MARCHF3: variants seen among roughly 807,000 people sequenced by gnomAD.
MARCHF3 encodes the protein E3 ubiquitin-protein ligase MARCHF3.
In MARCHF3, 13 loss-of-function variants were observed where a neutral mutation model predicts 24.2. The observed-to-expected ratio is 0.54, with a 90% confidence interval of 0.35 to 0.85. The LOEUF is 0.85. Ranked by LOEUF, MARCHF3 falls within the 40% of genes least tolerant of loss-of-function variation. The pLI is 0.01. For synonymous variants in MARCHF3, 144 were observed against 137.3 expected, an observed-to-expected ratio of 1.05 and a Z score of -0.34; for missense variants, 276 against 325.0, an observed-to-expected ratio of 0.85 and a Z score of 1.16.
intron 1 of MARCHF3, among the ~76,000 whole-genome samples, chr5:127,012,929 A>G (rs932361959): frequency 6.6e-6 from 1 of 152,232 alleles, no homozygotes; most frequent in Non-Finnish European, 1.5e-5. Context: ...CTCTCATAAG[A>G]ATAACTCATT....
At chr5:126,981,186 A>C (rs903230414) in intron 1 of MARCHF3, among the ~76,000 whole-genome samples, 10 of 152,220 alleles carry the variant, frequency 6.6e-5, no homozygotes, top group Non-Finnish European at 1.2e-4. Context: ...AGCAATAAAC[A>C]ATGAATGACT....
At chr5:126,912,643 A>T (rs1179343509) in intron 3 of MARCHF3, among the ~76,000 whole-genome samples, 1 of 152,298 alleles carries the variant, frequency 6.6e-6, no homozygotes, top group East Asian at 1.9e-4. Flanking sequence ...CTAGGAATAA[A>T]CTGCCCTCTG....
intron 1 of MARCHF3, among the ~76,000 whole-genome samples, chr5:127,027,054 A>ATG (rs1187034582): frequency 4.6e-5 from 7 of 152,224 alleles, no homozygotes; most frequent in African/African-American, 1.4e-4. Context: ...ATGGAGAATT[A>ATG]TGCCAGTCTG....
chr5:126,911,436 C>T (rs1259102088), intron 3 of MARCHF3, among the ~76,000 whole-genome samples: 1 of 152,160 alleles, frequency 6.6e-6, no homozygotes, highest in African/African-American at 2.4e-5. Flanking sequence ...GACTGGCCGA[C>T]ACTTAGGGAA....
chr5:126,950,180 T>G (rs1750176556), intron 1 of MARCHF3, among the ~76,000 whole-genome samples: 1 of 152,174 alleles, frequency 6.6e-6, no homozygotes, highest in Non-Finnish European at 1.5e-5. Flanking sequence ...CTTGTCTAGT[T>G]TCCTGGCAAA....
intron 4 of MARCHF3, 55 bp from the exon 5 acceptor site, chr5:126,870,846 T>C: frequency 6.2e-7 from 1 of 1,602,048 alleles, no homozygotes; most frequent in Non-Finnish European, 8.5e-7. Flanking sequence ...CAGAAGTGGA[T>C]AATCAATACA....
chr5:126,993,473 A>G (rs1191982641), intron 1 of MARCHF3, among the ~76,000 whole-genome samples: 4 of 152,192 alleles, frequency 2.6e-5, no homozygotes, highest in Non-Finnish European at 4.4e-5. Context: ...ATCCTCTAAA[A>G]GATGTACCCA....
chr5:126,879,891 T>C (rs903895134), intron 3 of MARCHF3, among the ~76,000 whole-genome samples: 2 of 152,116 alleles, frequency 1.3e-5, no homozygotes, highest in African/African-American at 2.4e-5. Flanking sequence ...GGACCTAGCA[T>C]TGACTGTCTG....
intron 3 of MARCHF3, among the ~76,000 whole-genome samples, chr5:126,881,320 C>G (rs1753334206): frequency 1.3e-5 from 2 of 152,114 alleles, no homozygotes; most frequent in South Asian, 4.1e-4. Context: ...CCAAATGTTA[C>G]TTATCAATTA....
At chr5:126,948,971 G>A (rs1750126335) in intron 1 of MARCHF3, among the ~76,000 whole-genome samples, 1 of 152,152 alleles carries the variant, frequency 6.6e-6, no homozygotes, top group Admixed American at 6.5e-5. Context: ...ATTTGGGCAT[G>A]TGGAGAGGAG....
chr5:126,984,046 G>C (rs886834776), intron 1 of MARCHF3, among the ~76,000 whole-genome samples: 1 of 151,946 alleles, frequency 6.6e-6, no homozygotes, highest in Non-Finnish European at 1.5e-5. Context: ...ACTGGGGTGG[G>C]GGGATATTAT....
At chr5:127,004,254 A>G (rs1171633195) in intron 1 of MARCHF3, among the ~76,000 whole-genome samples, 2 of 152,166 alleles carry the variant, frequency 1.3e-5, no homozygotes, top group East Asian at 3.8e-4. Context: ...AGGCTGCAAA[A>G]CGGGGCTGTG....
chr5:126,947,490 G>A (rs1042749181), intron 1 of MARCHF3, among the ~76,000 whole-genome samples: 1 of 152,200 alleles, frequency 6.6e-6, no homozygotes, highest in African/African-American at 2.4e-5. Flanking sequence ...TAGTGGATAT[G>A]TGTCATTATA....
chr5:126,912,961 G>A (rs186019776), intron 3 of MARCHF3, among the ~76,000 whole-genome samples: 53 of 152,318 alleles, frequency 3.5e-4, no homozygotes, highest in African/African-American at 1.2e-3. Flanking sequence ...CCTAAATCTT[G>A]TAGAGCACCT....
chr5:126,985,900 T>A (rs1225432277), intron 1 of MARCHF3, among the ~76,000 whole-genome samples: 1 of 152,178 alleles, frequency 6.6e-6, no homozygotes, highest in African/African-American at 2.4e-5. Context: ...CATGCATGAC[T>A]CTATTTGGTC....
At chr5:126,963,038 A>G (rs1303962928) in intron 1 of MARCHF3, among the ~76,000 whole-genome samples, 1 of 152,144 alleles carries the variant, frequency 6.6e-6, no homozygotes, top group African/African-American at 2.4e-5. Context: ...ATACAAAATT[A>G]AGATGATAAC....
At chr5:127,005,560 T>C (rs932554078) in intron 1 of MARCHF3, among the ~76,000 whole-genome samples, 2 of 152,174 alleles carry the variant, frequency 1.3e-5, no homozygotes, top group Admixed American at 6.5e-5. Context: ...CAGCCATCAA[T>C]AGGCATGTGA....
intron 1 of MARCHF3, among the ~76,000 whole-genome samples, chr5:126,927,833 T>C (rs991350565): frequency 1.3e-5 from 2 of 152,100 alleles, no homozygotes; most frequent in Non-Finnish European, 2.9e-5. Context: ...CTGCCAAAAA[T>C]AATGGGTGAG....
At chr5:127,020,029 C>A (rs926944327) in intron 1 of MARCHF3, among the ~76,000 whole-genome samples, 3 of 152,108 alleles carry the variant, frequency 2.0e-5, no homozygotes, top group Non-Finnish European at 4.4e-5. Context: ...AGGGGAAACA[C>A]CCTAGAAATC....
Sources: gnomAD v4.1 joint callset for allele counts (sites outside exome capture counted in the v4.1 genomes callset) on GRCh38, gnomAD v4.1.1 for gene constraint, MANE v1.5 for transcripts, NCBI Gene and HGNC (gene_info 2026-07-23, HGNC 2026-07-21) for gene names.